Variants in KCNN2 observed in about 807,000 individuals in gnomAD.
KCNN2 encodes small conductance calcium-activated potassium channel protein 2.
Under a neutral mutation model 55.5 loss-of-function variants are expected in KCNN2, and 24 were observed. The ratio of observed to expected loss-of-function variants is 0.43; its 90% CI spans 0.31 to 0.61. KCNN2 has a LOEUF of 0.61. KCNN2 is among the 20% of genes least tolerant of loss of function. The pLI, the probability that KCNN2 is intolerant of heterozygous loss-of-function variation, is 0.08. For missense variants in KCNN2, 754 were observed against 853.6 expected, an observed-to-expected ratio of 0.88 and a Z score of 1.45; for synonymous variants, 431 against 336.1, an observed-to-expected ratio of 1.28 and a Z score of -3.09.
chr5:114,316,388 T>G (rs1020455306), intron 2 of KCNN2, among the ~76,000 whole-genome samples: 1 of 152,154 alleles, frequency 6.6e-6, no homozygotes, highest in African/African-American at 2.4e-5. Flanking sequence ...TGAGGAAACT[T>G]AAGACTTCAG....
intron 2 of KCNN2, among the ~76,000 whole-genome samples, chr5:114,390,906 C>T (rs138489359): frequency 2.0e-4 from 31 of 152,076 alleles, no homozygotes; most frequent in Admixed American, 5.2e-4. Flanking sequence ...ACAGAAGGTG[C>T]GGGCCTGGTG....
chr5:114,074,569 A>G (rs1750647208), intron 1 of KCNN2, among the ~76,000 whole-genome samples: 2 of 152,192 alleles, frequency 1.3e-5, no homozygotes, highest in South Asian at 4.1e-4. Flanking sequence ...GGATTTTTAA[A>G]GAAAAGCACT....
chr5:114,319,656 A>T (rs1756575353), intron 2 of KCNN2, among the ~76,000 whole-genome samples: 2 of 152,184 alleles, frequency 1.3e-5, no homozygotes, highest in Admixed American at 1.3e-4. Context: ...AGTCTGACTT[A>T]AGTTGCACAT....
In KCNN2 at chr5:114,493,198, C is replaced by G. The variant is rs1045037732; in HGVS notation, c.2019-205C>G. On this transcript the variant is annotated intron_variant, in intron 6 of 7. Transcript: ENST00000673685. ...TCCTAAGGACATCTCATCTCTTGCT[C>G]TCACTCTCTCCTTTCTTTTTTGCGG... 91 of 655,156 alleles carry G rather than the reference C, an allele frequency of 1.4e-4. 1 individual carries two copies. In the Admixed American group the frequency reaches 1.9e-3, roughly 14 times the overall value. The allele number at this position is 655,156 out of a possible 1,614,324, so 40.6% of individuals were successfully genotyped here.
intron 1 of KCNN2, among the ~76,000 whole-genome samples, chr5:114,120,181 T>G (rs552350818): frequency 4.5e-4 from 68 of 152,274 alleles, no homozygotes; most frequent in African/African-American, 1.6e-3. Context: ...TATACTTAAG[T>G]TCATTTTTCA....
chr5:114,363,831 G>T, intron 1 of KCNN2, 75 bp from the exon 2 acceptor site: 2 of 1,030,398 alleles, frequency 1.9e-6, no homozygotes, highest in South Asian at 1.3e-5. Context: ...GTGGGGGACT[G>T]ACTGACTCTG....
chr5:114,279,708 A>T (rs1175522836), intron 2 of KCNN2, among the ~76,000 whole-genome samples: 2 of 152,220 alleles, frequency 1.3e-5, no homozygotes, highest in African/African-American at 2.4e-5. Context: ...ATTGATGGAC[A>T]TGTGGGTTGG....
intron 1 of KCNN2, among the ~76,000 whole-genome samples, chr5:114,158,766 T>C (rs374014882): frequency 0.077 from 11,721 of 151,794 alleles, 649 homozygotes; most frequent in Non-Finnish European, 0.11. Context: ...TTTGAAGCAA[T>C]TGTGAATGGG....
chr5:114,474,449 A>G (rs914475982), intron 5 of KCNN2, among the ~76,000 whole-genome samples: 1 of 152,072 alleles, frequency 6.6e-6, no homozygotes, highest in African/African-American at 2.4e-5. Flanking sequence ...TCCATGACTT[A>G]CTCTCATTTT....
chr5:114,109,171 C>A (rs111284070), intron 1 of KCNN2, among the ~76,000 whole-genome samples: 1 of 151,972 alleles, frequency 6.6e-6, no homozygotes, highest in Non-Finnish European at 1.5e-5. Flanking sequence ...GGATTCAGGT[C>A]CTCATGGATT....
At chr5:114,149,150 TAA>T (rs1491477653) in intron 1 of KCNN2, among the ~76,000 whole-genome samples, 1 of 152,086 alleles carries the variant, frequency 6.6e-6, no homozygotes, top group African/African-American at 2.4e-5. Flanking sequence ...AGACGTTTAA[TAA>T]AAGACAGATA....
intron 3 of KCNN2, among the ~76,000 whole-genome samples, chr5:114,425,996 A>G (rs1759611767): frequency 2.0e-5 from 3 of 151,054 alleles, no homozygotes; most frequent in Admixed American, 6.6e-5. Context: ...CCTGGGCAAC[A>G]TTACAAAACC....
chr5:114,265,762 C>A (rs1273105619), intron 2 of KCNN2, among the ~76,000 whole-genome samples: 1 of 152,194 alleles, frequency 6.6e-6, no homozygotes, highest in Non-Finnish European at 1.5e-5. Flanking sequence ...CCCCATGACC[C>A]AGTCATATTG....
chr5:114,479,206 T>TACCA (rs1214115891), intron 5 of KCNN2, among the ~76,000 whole-genome samples: 1 of 141,354 alleles, frequency 7.1e-6, no homozygotes, highest in African/African-American at 2.6e-5. Context: ...GAGGAAAATT[T>TACCA]ACCAACCAAA....
intron 1 of KCNN2, among the ~76,000 whole-genome samples, chr5:114,074,290 TTGCG>T (rs1450904742): frequency 1.9e-5 from 2 of 105,178 alleles, no homozygotes; most frequent in African/African-American, 9.5e-5. Context: ...AAGGCCATGT[TTGCG>T]TGTGTGTGTG....
intron 2 of KCNN2, among the ~76,000 whole-genome samples, chr5:114,372,852 A>T (rs576233575): frequency 1.3e-5 from 2 of 152,166 alleles, no homozygotes; most frequent in East Asian, 3.9e-4. Flanking sequence ...GTTTTCTTTC[A>T]TTATGTAGAT....
chr5:114,351,384 C>T (rs1279714742), intron 2 of KCNN2, among the ~76,000 whole-genome samples: 1 of 151,732 alleles, frequency 6.6e-6, no homozygotes, highest in Non-Finnish European at 1.5e-5. Flanking sequence ...CAGTCATGTC[C>T]TGTATAAAGA....
chr5:114,253,976 A>G (rs1040880098), intron 2 of KCNN2, among the ~76,000 whole-genome samples: 4 of 152,234 alleles, frequency 2.6e-5, no homozygotes, highest in Non-Finnish European at 4.4e-5. Flanking sequence ...CATGCCAAGT[A>G]TACTTTATCA....
chr5:114,090,025 G>A (rs928942918), intron 1 of KCNN2, among the ~76,000 whole-genome samples: 4 of 152,178 alleles, frequency 2.6e-5, no homozygotes, highest in African/African-American at 7.2e-5. Flanking sequence ...CTCAAGAAAA[G>A]CTGGCAAGCT....
Sources: gnomAD v4.1 joint callset for allele counts (sites outside exome capture counted in the v4.1 genomes callset) on GRCh38, gnomAD v4.1.1 for gene constraint, MANE v1.5 for transcripts, NCBI Gene and HGNC (gene_info 2026-07-23, HGNC 2026-07-21) for gene names.